EPB41L4B: variants seen among roughly 807,000 people sequenced by gnomAD.
EPB41L4B encodes erythrocyte membrane protein band 4.1 like 4B.
Under a neutral mutation model 112.5 loss-of-function variants are expected in EPB41L4B, and 30 were observed. The ratio of observed to expected loss-of-function variants is 0.27; its 90% confidence interval spans 0.20 to 0.36. The LOEUF is 0.36. Among genes scored for constraint, EPB41L4B ranks in the 10% least tolerant of loss-of-function variants. EPB41L4B has a pLI of 1.00. For synonymous variants in EPB41L4B, 408 were observed against 439.7 expected (o/e 0.93, Z 0.90); for missense variants, 1,024 against 1,133.3 (o/e 0.90, Z 1.38).
At chr9:109,304,107 T>C (rs545105960) in intron 1 of EPB41L4B, among the ~76,000 whole-genome samples, 71 of 152,320 alleles carry the variant, frequency 4.7e-4, no homozygotes, top group African/African-American at 1.6e-3. Context: ...TGCTTCCTTA[T>C]CCATAAAACA....
chr9:109,309,568 T>A (rs1837337693), intron 1 of EPB41L4B, among the ~76,000 whole-genome samples: 1 of 151,930 alleles, frequency 6.6e-6, no homozygotes, highest in African/African-American at 2.4e-5. Flanking sequence ...AACAAAACAT[T>A]CCAGGAAGAA....
At chr9:109,194,899 T>C (rs1338950589) in intron 20 of EPB41L4B, among the ~76,000 whole-genome samples, 2 of 152,242 alleles carry the variant, frequency 1.3e-5, no homozygotes, top group Non-Finnish European at 2.9e-5. Flanking sequence ...TCTATGTTCC[T>C]CTGTGTCTGG....
rs756435623 is a variant in EPB41L4B at position 109,243,636 on chromosome 9, G to A, written c.1391C>T (p.Pro464Leu). Residue 464 changes from proline (P) to leucine (L), a missense_variant, in exon 15 of 26, where the codon CCT becomes CTT. By Grantham distance (98) the Pro-to-Leu change is moderately conservative. Transcript: ENST00000374566. ...NIHPSQPRWH[P>L]HSPNVSYPLP... ...CACTTACCTGACATTTGGAGAGTGAGGATGCCACCGGGGCTGGCTGGGATG... is the reference window on the plus strand; with the variant it reads ...CACTTACCTGACATTTGGAGAGTGAAGATGCCACCGGGGCTGGCTGGGATG... The A allele has an allele frequency of 2.5e-6, 4 of 1,614,084 alleles. No individual in the cohort carries two copies. The highest frequency in any genetic ancestry group is 3.4e-6 in the Non-Finnish European group (4 of 1,180,030).
chr9:109,298,242 T>C (rs1454727091), intron 1 of EPB41L4B, among the ~76,000 whole-genome samples: 1 of 152,022 alleles, frequency 6.6e-6, no homozygotes, highest in African/African-American at 2.4e-5. Flanking sequence ...ATCTTGACTA[T>C]AAGTTCACCA....
chr9:109,265,141 A>T (rs932207760), intron 4 of EPB41L4B, 117 bp from the exon 5 acceptor site: 2 of 798,864 alleles, frequency 2.5e-6, no homozygotes, highest in South Asian at 3.8e-5. Flanking sequence ...ATTGTAAAAA[A>T]GGAGTCCAAA....
At chr9:109,179,152 C>T (rs1831959324) in intron 24 of EPB41L4B, among the ~76,000 whole-genome samples, 1 of 152,162 alleles carries the variant, frequency 6.6e-6, no homozygotes, top group Admixed American at 6.5e-5. Flanking sequence ...CTAGATGGAC[C>T]AACATACTCG....
chr9:109,261,800 A>G (rs1835214493), intron 6 of EPB41L4B, among the ~76,000 whole-genome samples: 1 of 151,994 alleles, frequency 6.6e-6, no homozygotes, highest in Admixed American at 6.5e-5. Flanking sequence ...AGTGTGTACT[A>G]ATTTTATAAT....
intron 2 of EPB41L4B, among the ~76,000 whole-genome samples, chr9:109,276,598 T>C (rs1835839651): frequency 6.6e-6 from 1 of 152,190 alleles, no homozygotes; most frequent in Non-Finnish European, 1.5e-5. Flanking sequence ...TGGAAAGGCC[T>C]GAGAGCCTGA....
chr9:109,288,492 G>A (rs530435345), intron 1 of EPB41L4B, among the ~76,000 whole-genome samples: 7 of 151,964 alleles, frequency 4.6e-5, no homozygotes, highest in East Asian at 3.9e-4. Context: ...AGGCCGAGGC[G>A]GGCGGATCAC....
chr9:109,192,370 A>G lies in EPB41L4B; in HGVS notation c.2224-15T>C. On this transcript the variant is annotated splice_polypyrimidine_tract_variant and intron_variant, in intron 21 of 25. Coordinates refer to ENST00000374566, the MANE Select transcript of EPB41L4B (RefSeq NM_019114.5). ...TCAGAGGGGCTCTAGGGAGACAGAC[A>G]AACACCCCTGGTTAGAGACGGCACT... 4 of 1,589,454 alleles carry G rather than the reference A, an allele frequency of 2.5e-6. No homozygotes were observed. Among genetic ancestry groups the G allele is most frequent in the Non-Finnish European group, 2.6e-6 (3 of 1,170,098 alleles).
intron 15 of EPB41L4B, among the ~76,000 whole-genome samples, chr9:109,226,607 C>CATATATAT (rs3081622): frequency 2.2e-3 from 203 of 90,816 alleles, no homozygotes; most frequent in African/African-American, 5.4e-3. Context: ...TTGGATTTTT[C>CATATATAT]ATATATATAT....
chr9:109,230,457 A>T (rs1833915398), intron 15 of EPB41L4B, among the ~76,000 whole-genome samples: 1 of 152,204 alleles, frequency 6.6e-6, no homozygotes. Flanking sequence ...TTTGGACATT[A>T]AGCATTCGTA....
At chr9:109,268,484 T>C (rs1191999735) in intron 2 of EPB41L4B, 51 bp from the exon 3 acceptor site, 1 of 1,541,092 alleles carries the variant, frequency 6.5e-7, no homozygotes. Flanking sequence ...AGCAAGGTTA[T>C]TCAGCCCTCA....
At chr9:109,219,717 T>C (rs917892313) in intron 15 of EPB41L4B, among the ~76,000 whole-genome samples, 2 of 152,230 alleles carry the variant, frequency 1.3e-5, no homozygotes, top group African/African-American at 2.4e-5. Context: ...TAAAAGTAAA[T>C]ATGTTAATAA....
chr9:109,250,036 G>A (rs2119001672), intron 13 of EPB41L4B, among the ~76,000 whole-genome samples: 1 of 152,308 alleles, frequency 6.6e-6, no homozygotes, highest in Non-Finnish European at 1.5e-5. Flanking sequence ...AGTGGCAGAA[G>A]AGCAGGCAGG....
At position 109,320,360 on chromosome 9, in the gene EPB41L4B, C is replaced by T; in HGVS notation, c.87G>A (p.Leu29=). 1.0e-6 allele frequency: 1 copy of T among 984,092 alleles called. No individual in the cohort carries two copies. The allele number at this position is 984,092 out of a possible 1,614,324, so 61.0% of individuals were successfully genotyped here. Reference sequence around the variant, plus strand: ...GTGGCCCCCCATCGCGCTCGTCCCCCAGCCCGGCGGCCCCGCGCCCCGCCG... The same window carrying T: ...GTGGCCCCCCATCGCGCTCGTCCCCTAGCCCGGCGGCCCCGCGCCCCGCCG... ...RGAAGRGAAG[L]GDERDGGPRG... The change falls in exon 1 of 26, where the codon CTG becomes CTA. Residue 29 remains leucine (L), a synonymous_variant. Coordinates refer to ENST00000374566, the MANE Select transcript of EPB41L4B (RefSeq NM_019114.5).
chr9:109,273,793 T>C (rs1315126385), intron 2 of EPB41L4B, among the ~76,000 whole-genome samples: 1 of 152,206 alleles, frequency 6.6e-6, no homozygotes, highest in Admixed American at 6.5e-5. Flanking sequence ...GAAGGGGTTT[T>C]GTCTGTTTCC....
In EPB41L4B at chr9:109,256,158, T is replaced by G; in HGVS notation, c.907A>C (p.Asn303His). The change falls in exon 9 of 26, where the codon AAC becomes CAC. Residue 303 changes from asparagine (N) to histidine (H), a missense_variant. Physicochemically the swap from Asn to His is moderately conservative, Grantham distance 68. Coordinates refer to ENST00000374566, the MANE Select transcript of EPB41L4B (RefSeq NM_019114.5). Reference protein sequence around the residue: ...PTGILIFEGANKIGLFFWPKI... With the variant: ...PTGILIFEGAHKIGLFFWPKI... Reference sequence around the variant, plus strand: ...TACCAAAAGAATAAGCCTATTTTGTTAGCTCCTTCAAAGATTAATATGCCT... The same window carrying G: ...TACCAAAAGAATAAGCCTATTTTGTGAGCTCCTTCAAAGATTAATATGCCT... 6.2e-7 allele frequency: 1 copy of G among 1,613,996 alleles called. No homozygotes were observed. The highest frequency in any genetic ancestry group is 8.5e-7 in the Non-Finnish European group (1 of 1,179,888).
intron 1 of EPB41L4B, among the ~76,000 whole-genome samples, chr9:109,317,324 C>T (rs1837671272): frequency 6.6e-6 from 1 of 152,216 alleles, no homozygotes; most frequent in African/African-American, 2.4e-5. Context: ...TCCCCCATCC[C>T]ATCCGGCCAC....
Sources: allele counts gnomAD v4.1 joint callset (sites outside exome capture counted in the v4.1 genomes callset), GRCh38; gene constraint gnomAD v4.1.1; transcripts MANE v1.5; gene names NCBI Gene and HGNC (gene_info 2026-07-23, HGNC 2026-07-21).